The following THOC2 variants were observed in gnomAD, a reference collection of about 807,000 sequenced individuals.
THOC2 encodes the protein THO complex 2.
In THOC2, 10 loss-of-function variants were observed where a neutral mutation model predicts 128.4. That is an observed-to-expected ratio of 0.08 (90% CI 0.05 to 0.13). THOC2 has a LOEUF of 0.13. Among genes scored for constraint, THOC2 ranks in the 10% least tolerant of loss-of-function variants. THOC2 has a pLI of 1.00. For missense variants in THOC2, 535 were observed against 1,155.7 expected, an observed-to-expected ratio of 0.46 and a Z score of 7.79; for synonymous variants, 393 against 396.9, an observed-to-expected ratio of 0.99 and a Z score of 0.12.
intron 12 of THOC2, among the ~76,000 whole-genome samples, chrX:123,652,906 G>A (rs1163505677): frequency 4.5e-5 from 5 of 111,571 alleles, no homozygotes; most frequent in East Asian, 5.6e-4. Flanking sequence ...ACTTTTTTCA[G>A]AGTTAGAAAA....
chrX:123,621,001 C>T, intron 31 of THOC2, 36 bp from the exon 32 acceptor site: 2 of 1,190,367 alleles, frequency 1.7e-6, no homozygotes, highest in East Asian at 3.0e-5. Context: ...GAATAAGGTA[C>T]ATTTCTAGTT....
chrX:123,683,295 A>G lies in THOC2; in HGVS notation c.768+3253T>C, dbSNP rs772644089. ...ATAGAATAATACTAGCATTAAGGGG[A>G]AAAAAAAAGAAGCCTATTAATCCAA... On this transcript the variant is annotated intron_variant, in intron 8 of 38. Coordinates refer to ENST00000245838, the MANE Select transcript of THOC2 (RefSeq NM_001081550.2). Among the ~76,000 whole-genome samples, 21 of 109,561 alleles carry G rather than the reference A, an allele frequency of 1.9e-4. No homozygotes were observed. The South Asian group carries it at 4.3e-3, about 23-fold the overall frequency.
intron 12 of THOC2, 74 bp from the exon 13 acceptor site, chrX:123,645,449 GAA>G (rs1250697605): frequency 1.6e-6 from 1 of 618,604 alleles, no homozygotes; most frequent in African/African-American, 2.3e-5. Context: ...TTTCTAATTT[GAA>G]AAAACTTTAA....
Position 123,645,359 on chromosome X carries a change from C to T in THOC2, c.1403G>A (p.Ser468Asn), listed in dbSNP as rs1171480335. 3.6e-6 allele frequency: 4 copies of T among 1,126,633 alleles called. No individual in the cohort carries two copies. The highest frequency in any genetic ancestry group is 4.8e-6 in the Non-Finnish European group (4 of 836,187). 92.8% of individuals were successfully genotyped at this position (1,126,633 alleles called of 1,213,427 possible). ...SFMKEFQSDGSKQEDKEKTEV... is the reference protein window; with the variant it reads ...SFMKEFQSDGNKQEDKEKTEV... ...CGTTTTTTCTTTATCTTCTTGTTTG[C>T]TTCCATCAGACTGAAACTACAATTT... The change falls in exon 13 of 39, where the codon AGC becomes AAC. Residue 468 changes from serine (S) to asparagine (N), a missense_variant. By Grantham distance (46) the Ser-to-Asn change is conservative. This residue lies in a region of THOC2 where 197 missense variants were observed against 313.4 expected (regional missense o/e 0.63). Transcript: ENST00000245838.
At chrX:123,659,101 A>G in intron 12 of THOC2, among the ~76,000 whole-genome samples, 1 of 112,447 alleles carries the variant, frequency 8.9e-6, no homozygotes, top group Middle Eastern at 4.7e-3. Flanking sequence ...ACATGAAACA[A>G]TTCTAGAACC....
At position 123,627,815 on chromosome X, in the gene THOC2, G is replaced by C; in HGVS notation, c.2635C>G (p.Gln879Glu). ...VSKVWDDISPQFYATFWSLTM... is the reference protein window; with the variant it reads ...VSKVWDDISPEFYATFWSLTM... ...AATGACCAGAATGTAGCATAGAATT[G>C]AGGGCTGATGTCATCCCAGACTTTG... The change falls in exon 23 of 39, where the codon CAA becomes GAA. Residue 879 changes from glutamine to glutamate, a missense_variant. By Grantham distance (29) the Gln-to-Glu change is conservative. Transcript: ENST00000245838. 1.7e-6 allele frequency: 2 copies of C among 1,211,574 alleles called. No homozygotes were observed. The highest frequency in any genetic ancestry group is 2.2e-6 in the Non-Finnish European group (2 of 895,431).
intron 1 of THOC2, among the ~76,000 whole-genome samples, chrX:123,723,699 A>G (rs1328643624): frequency 8.9e-6 from 1 of 112,283 alleles, no homozygotes. Flanking sequence ...CAGAAACAGT[A>G]GGATAAATAT....
chrX:123,635,642 A>G (rs1288534286), intron 19 of THOC2, among the ~76,000 whole-genome samples: 1 of 111,903 alleles, frequency 8.9e-6, no homozygotes, highest in African/African-American at 3.2e-5. Flanking sequence ...GTATCTCTAA[A>G]ACTCAAATTC....
At chrX:123,697,658 G>A (rs1311991748) in intron 5 of THOC2, 23 bp downstream of exon 5, 5 of 900,487 alleles carry the variant, frequency 5.6e-6, no homozygotes, top group Non-Finnish European at 7.8e-6. Flanking sequence ...TTTTAAAAGG[G>A]AAAAATATTT....
chrX:123,687,842 A>G (rs1442450347), intron 7 of THOC2, among the ~76,000 whole-genome samples: 1 of 111,857 alleles, frequency 8.9e-6, no homozygotes, highest in Non-Finnish European at 1.9e-5. Context: ...TAAAGCAGTG[A>G]TCATGTCTTA....
At chrX:123,662,171 T>G (rs769275660) in intron 12 of THOC2, among the ~76,000 whole-genome samples, 12 of 112,206 alleles carry the variant, frequency 1.1e-4, no homozygotes, top group Non-Finnish European at 2.1e-4. Context: ...TTTTTAACAA[T>G]GTCTAGATGG....
chrX:123,618,187 T>G (rs1166267826), intron 33 of THOC2, among the ~76,000 whole-genome samples: 1 of 111,640 alleles, frequency 9.0e-6, no homozygotes, highest in African/African-American at 3.2e-5. Context: ...ATAATGTCAT[T>G]AGGTTGATGT....
chrX:123,606,852 C>T (rs1347605526), intron 38 of THOC2, among the ~76,000 whole-genome samples: 2 of 110,869 alleles, frequency 1.8e-5, no homozygotes, highest in African/African-American at 6.6e-5. Flanking sequence ...AATCAAAGTC[C>T]TACATCCAAA....
intron 8 of THOC2, among the ~76,000 whole-genome samples, chrX:123,673,058 G>A (rs2049343926): frequency 8.9e-6 from 1 of 112,362 alleles, no homozygotes; most frequent in Admixed American, 9.4e-5. Flanking sequence ...TTGCTTACAG[G>A]CCAGGCACAG....
At chrX:123,689,885 G>A (rs1402755003) in intron 7 of THOC2, among the ~76,000 whole-genome samples, 1 of 111,148 alleles carries the variant, frequency 9.0e-6, no homozygotes, top group Non-Finnish European at 1.9e-5. Flanking sequence ...GAAGAGCTTT[G>A]TCCAGCCCAA....
intron 25 of THOC2, among the ~76,000 whole-genome samples, chrX:123,624,981 ACCACTTAG>A (rs978020231): frequency 8.9e-6 from 1 of 111,818 alleles, no homozygotes; most frequent in African/African-American, 3.2e-5. Flanking sequence ...TAGTTTCTTA[ACCACTTAG>A]CCATACATAT....
chrX:123,657,081 CA>C (rs1367100559), intron 12 of THOC2, among the ~76,000 whole-genome samples: 2 of 111,398 alleles, frequency 1.8e-5, no homozygotes, highest in African/African-American at 3.3e-5. Context: ...AGAAATCCTA[CA>C]GATAAAAAAC....
intron 1 of THOC2, among the ~76,000 whole-genome samples, chrX:123,720,682 CA>C (rs1362794523): frequency 9.0e-6 from 1 of 110,606 alleles, no homozygotes; most frequent in Non-Finnish European, 1.9e-5. Context: ...AACAGAAGAG[CA>C]AATAAAGAAA....
At chrX:123,645,033 T>G (rs2048067365) in intron 13 of THOC2, 124 bp from the exon 14 acceptor site, 1 of 567,759 alleles carries the variant, frequency 1.8e-6, no homozygotes, top group African/African-American at 2.4e-5. Context: ...ATCCCATTCC[T>G]CACCCACCCT....
Sources: allele counts gnomAD v4.1 joint callset (sites outside exome capture counted in the v4.1 genomes callset), GRCh38; gene constraint gnomAD v4.1.1; regional missense constraint gnomAD v4.1.1; transcripts MANE v1.5; gene names NCBI Gene and HGNC (gene_info 2026-07-23, HGNC 2026-07-21).